The following RPRD1B variants were observed in gnomAD, a reference collection of about 807,000 sequenced individuals.
The protein encoded by RPRD1B is regulation of nuclear pre-mRNA domain-containing protein 1B.
RPRD1B carries 11 observed loss-of-function variants against 41.5 expected under a neutral mutation model. That is an observed-to-expected ratio of 0.27 (90% confidence interval 0.17 to 0.44). The LOEUF is 0.44. RPRD1B is among the 20% of genes least tolerant of loss of function. The probability of loss-of-function intolerance (pLI) is 1.00; values close to 1 mark genes in which losing one functional copy is unlikely to be tolerated. For synonymous variants in RPRD1B, 158 were observed against 155.6 expected, an observed-to-expected ratio of 1.02 and a Z score of -0.12; for missense variants, 248 against 389.9, an observed-to-expected ratio of 0.64 and a Z score of 3.06.
At chr20:38,049,768 A>C (rs1350718093) in intron 3 of RPRD1B, 1 of 471,218 alleles carries the variant, frequency 2.1e-6, no homozygotes, top group Non-Finnish European at 4.4e-6. Flanking sequence ...TCTTAGCTAC[A>C]GATCTGATCT....
chr20:38,067,216 C>A (rs914685655), intron 6 of RPRD1B, among the ~76,000 whole-genome samples: 1 of 152,172 alleles, frequency 6.6e-6, no homozygotes, highest in African/African-American at 2.4e-5. Flanking sequence ...TACTTGCTCC[C>A]GTGGGATAAC....
intron 5 of RPRD1B, among the ~76,000 whole-genome samples, chr20:38,062,454 A>G (rs2074307735): frequency 6.6e-6 from 1 of 152,206 alleles, no homozygotes; most frequent in Non-Finnish European, 1.5e-5. Flanking sequence ...TTAGTTGGAT[A>G]TCTTGATAGG....
intron 2 of RPRD1B, among the ~76,000 whole-genome samples, chr20:38,041,348 C>T (rs1019375759): frequency 6.6e-6 from 1 of 152,064 alleles, no homozygotes; most frequent in African/African-American, 2.4e-5. Context: ...TAAATTGTTA[C>T]TAGGTCTAAA....
At chr20:38,034,783 TGACA>T (rs371663632) in intron 1 of RPRD1B, among the ~76,000 whole-genome samples, 289 of 152,354 alleles carry the variant, frequency 1.9e-3, no homozygotes, top group African/African-American at 6.4e-3. Context: ...GCTCAGGTTC[TGACA>T]GACAATTCAT....
chr20:38,076,194 T>G (rs1280341857), intron 6 of RPRD1B, among the ~76,000 whole-genome samples: 1 of 152,220 alleles, frequency 6.6e-6, no homozygotes, highest in African/African-American at 2.4e-5. Flanking sequence ...TTACCCCAAT[T>G]ATGGTGCAGT....
intron 6 of RPRD1B, among the ~76,000 whole-genome samples, chr20:38,084,375 A>G (rs749412472): frequency 1.3e-5 from 2 of 152,216 alleles, no homozygotes; most frequent in Non-Finnish European, 2.9e-5. Context: ...CAACAGGGCA[A>G]GATGATGGAG....
At chr20:38,068,955 C>G (rs1345757236) in intron 6 of RPRD1B, among the ~76,000 whole-genome samples, 1 of 152,172 alleles carries the variant, frequency 6.6e-6, no homozygotes, top group Non-Finnish European at 1.5e-5. Flanking sequence ...TTTAAAACTT[C>G]CAAATCAGAA....
intron 1 of RPRD1B, among the ~76,000 whole-genome samples, chr20:38,035,820 A>C (rs2073997614): frequency 6.6e-6 from 1 of 150,792 alleles, no homozygotes; most frequent in Non-Finnish European, 1.5e-5. Context: ...GCTGAAGTGC[A>C]GTGGTGCGAT....
chr20:38,042,183 T>G (rs2074073303), intron 2 of RPRD1B, among the ~76,000 whole-genome samples: 1 of 152,126 alleles, frequency 6.6e-6, no homozygotes, highest in Non-Finnish European at 1.5e-5. Flanking sequence ...AGACCCTGTG[T>G]CTACAAAAAA....
chr20:38,048,406 C>A lies in RPRD1B; in HGVS notation c.340C>A (p.Arg114=), dbSNP rs747109638. ...LERLLNIWQE[R]SVYGGEFIQQ... is the part of the protein sequence containing the mutation. ...AAGATTGCTGAACATCTGGCAAGAA[C>A]GAAGTGTGTATGGCGGCGAGTTCAT... is the stretch of plus-strand genomic sequence containing the variant. Residue 114 remains arginine, a synonymous_variant, in exon 3 of 7, where the codon CGA becomes AGA. Coordinates refer to ENST00000373433, the MANE Select transcript of RPRD1B (RefSeq NM_021215.4). The A allele has an allele frequency of 6.2e-7, 1 of 1,613,792 alleles. No homozygotes were observed. The highest frequency in any genetic ancestry group is 8.5e-7 in the Non-Finnish European group (1 of 1,179,790).
intron 3 of RPRD1B, among the ~76,000 whole-genome samples, chr20:38,049,195 C>T (rs1286838414): frequency 6.6e-6 from 1 of 151,818 alleles, no homozygotes; most frequent in African/African-American, 2.4e-5. Context: ...GTGATCTGCC[C>T]GCCTCGGCCT....
intron 6 of RPRD1B, among the ~76,000 whole-genome samples, chr20:38,067,620 C>T (rs918010666): frequency 6.6e-6 from 1 of 152,110 alleles, no homozygotes; most frequent in African/African-American, 2.4e-5. Context: ...AACTGTGTTG[C>T]GTAGTGGTAG....
At chr20:38,062,375 T>C (rs769702999) in intron 5 of RPRD1B, among the ~76,000 whole-genome samples, 11 of 152,166 alleles carry the variant, frequency 7.2e-5, no homozygotes, top group Non-Finnish European at 1.6e-4. Context: ...TTTCCTAATT[T>C]ACATCTCTAG....
At chr20:38,070,149 T>C in intron 6 of RPRD1B, 4 of 972,846 alleles carry the variant, frequency 4.1e-6, no homozygotes, top group Non-Finnish European at 4.9e-6. Flanking sequence ...CTTTTCTTTT[T>C]TCCTTTAAGT....
In RPRD1B at chr20:38,076,906, C is replaced by CTTTTTTT. The variant is rs573460686; in HGVS notation, c.831+10674_831+10680dup. 2.7e-3 allele frequency among the ~76,000 whole-genome samples: 169 copies of CTTTTTTT among 63,522 alleles called. 35 individuals are homozygous for CTTTTTTT. The highest frequency in any genetic ancestry group is 0.021 in the Middle Eastern group (2 of 96). The allele number at this position is 63,522 out of a possible 152,430, so 41.7% of individuals were successfully genotyped here. On this transcript the variant is annotated intron_variant, in intron 6 of 6. Transcript: ENST00000373433. Reference sequence around the variant, plus strand: ...CCTTTAGCCTTTTCTCATTCTGGACCTTTTTTTTTTTTTTTTTTTTTTTTT... The same window carrying CTTTTTTT: ...CCTTTAGCCTTTTCTCATTCTGGACCTTTTTTTTTTTTTTTTTTTTTTTTTTTTTTTT...
intron 2 of RPRD1B, 81 bp from the exon 3 acceptor site, chr20:38,048,263 ATTTC>A (rs1454586238): frequency 6.7e-6 from 9 of 1,345,108 alleles, no homozygotes; most frequent in Non-Finnish European, 9.0e-6. Flanking sequence ...TCAGTTGTTG[ATTTC>A]TTTTTTTTTT....
chr20:38,038,500 T>G (rs370607379), intron 1 of RPRD1B, among the ~76,000 whole-genome samples: 11 of 97,830 alleles, frequency 1.1e-4, no homozygotes, highest in African/African-American at 1.9e-4. Context: ...GTTTTTTTTT[T>G]TTTTTTTTTT....
intron 6 of RPRD1B, among the ~76,000 whole-genome samples, chr20:38,074,352 T>C (rs1053812459): frequency 2.6e-5 from 4 of 152,220 alleles, no homozygotes; most frequent in Non-Finnish European, 5.9e-5. Flanking sequence ...TGTGTTTCTT[T>C]ATTACAATGT....
intron 3 of RPRD1B, among the ~76,000 whole-genome samples, chr20:38,049,451 A>G (rs1399404555): frequency 7.1e-6 from 1 of 140,210 alleles, no homozygotes; most frequent in South Asian, 2.2e-4. Context: ...GCTCACTGCA[A>G]CCTCCGCCTC....
Sources: gnomAD v4.1 joint callset for allele counts (sites outside exome capture counted in the v4.1 genomes callset) on GRCh38, gnomAD v4.1.1 for gene constraint, MANE v1.5 for transcripts, NCBI Gene and HGNC (gene_info 2026-07-23, HGNC 2026-07-21) for gene names.